Variants in XPO5 observed in about 807,000 individuals in gnomAD.
XPO5 encodes the protein exportin 5.
In XPO5, 46 loss-of-function variants were observed where a neutral mutation model predicts 160.6. The ratio of observed to expected loss-of-function variants is 0.29; its 90% CI spans 0.23 to 0.37. The LOEUF (loss-of-function observed/expected upper bound fraction) is 0.37, where lower values mean the gene tolerates loss of function less well. XPO5 is among the 10% of genes least tolerant of loss of function. XPO5 has a pLI of 1.00. For missense variants in XPO5, 1,090 were observed against 1,463.9 expected (o/e 0.74, Z 4.17); for synonymous variants, 537 against 519.3 (o/e 1.03, Z -0.46).
intron 1 of XPO5, among the ~76,000 whole-genome samples, chr6:43,574,858 T>C (rs907766574): frequency 1.3e-5 from 2 of 151,954 alleles, no homozygotes; most frequent in Non-Finnish European, 2.9e-5. Flanking sequence ...ACCCAATTGT[T>C]TCTGATTCCA....
At chr6:43,542,527 A>G (rs1231782811) in intron 20 of XPO5, among the ~76,000 whole-genome samples, 1 of 151,980 alleles carries the variant, frequency 6.6e-6, no homozygotes, top group African/African-American at 2.4e-5. Flanking sequence ...CTCCTACCTC[A>G]GCCTCCTGAG....
chr6:43,542,679 G>C lies in XPO5; in HGVS notation c.2342+3892C>G, dbSNP rs372554713. 7.9e-5 allele frequency among the ~76,000 whole-genome samples: 12 copies of C among 152,048 alleles called. No homozygotes were observed. The South Asian group carries it at 1.2e-3, about 16-fold the overall frequency. On this transcript the variant is annotated intron_variant, in intron 20 of 31. Transcript: ENST00000265351. ...GACCTCAAGTGATTCACCTGCTTCGGCCTCCCAAAGTGCTTGGATTACAGG... is the reference window on the plus strand; with the variant it reads ...GACCTCAAGTGATTCACCTGCTTCGCCCTCCCAAAGTGCTTGGATTACAGG...
At chr6:43,548,713 T>C (rs1457743380) in intron 17 of XPO5, among the ~76,000 whole-genome samples, 1 of 151,230 alleles carries the variant, frequency 6.6e-6, no homozygotes, top group Non-Finnish European at 1.5e-5. Context: ...AAAGATCAGC[T>C]TGTTTTATAT....
At position 43,570,491 on chromosome 6, in the gene XPO5, G is replaced by T. The variant is rs570526889; in HGVS notation, c.621+11C>A. 1.9e-6 allele frequency: 3 copies of T among 1,610,924 alleles called. No individual in the cohort carries two copies. The African/African-American group carries it at 4.0e-5, about 22-fold the overall frequency. On this transcript the variant is annotated intron_variant, in intron 5 of 31. Coordinates refer to ENST00000265351, the MANE Select transcript of XPO5 (RefSeq NM_020750.3). ...GAAAATAGAAATGTTATAGGTAGGG[G>T]TATCCCTTACCACTTGCTGATACTT...
intron 25 of XPO5, 76 bp from the exon 26 acceptor site, chr6:43,527,807 ACT>A (rs757062051): frequency 3.4e-6 from 5 of 1,478,504 alleles, no homozygotes; most frequent in African/African-American, 1.4e-5. Context: ...CCCTAATCAG[ACT>A]CTCTCTGACC....
chr6:43,552,114 A>G lies in XPO5; in HGVS notation c.1573-661T>C, dbSNP rs945576164. The stretch of plus-strand genomic sequence containing the variant: ...ATATCACTCTTGGTTGCCCAGTGCA[A>G]TGGCACGATCTCAGCTCACTGCAAC... On this transcript the variant is annotated intron_variant, in intron 14 of 31. Coordinates refer to ENST00000265351, the MANE Select transcript of XPO5 (RefSeq NM_020750.3). 2.6e-5 allele frequency among the ~76,000 whole-genome samples: 4 copies of G among 152,040 alleles called. No individual in the cohort carries two copies. The East Asian group carries it at 7.7e-4, about 29-fold the overall frequency.
chr6:43,526,196 T>C, intron 27 of XPO5: 1 of 460,276 alleles, frequency 2.2e-6, no homozygotes, highest in Non-Finnish European at 3.9e-6. Flanking sequence ...GGACAAATAT[T>C]TGAGCACCAG....
At position 43,566,735 on chromosome 6, in the gene XPO5, G is replaced by A. The variant is rs111939495; in HGVS notation, c.834+434C>T. 3.0e-3 allele frequency: 793 copies of A among 263,314 alleles called. 8 individuals are homozygous for A. The highest frequency in any genetic ancestry group is 0.016 in the African/African-American group (699 of 44,590). The allele number at this position is 263,314 out of a possible 1,614,324, so 16.3% of individuals were successfully genotyped here. On this transcript the variant is annotated intron_variant, in intron 7 of 31. Transcript: ENST00000265351. ...TGAGGCAGGAGAATCGCTTGAACCC[G>A]GAAGGCGGACGTTGCAGTGAGCCAA...
intron 20 of XPO5, among the ~76,000 whole-genome samples, chr6:43,538,298 C>T (rs1439118553): frequency 6.6e-6 from 1 of 151,474 alleles, no homozygotes; most frequent in Non-Finnish European, 1.5e-5. Context: ...TACAGGTGCG[C>T]ACCACCACAC....
intron 30 of XPO5, 80 bp from the exon 31 acceptor site, chr6:43,524,715 C>CA: frequency 6.3e-7 from 1 of 1,587,332 alleles, no homozygotes; most frequent in Non-Finnish European, 8.6e-7. Context: ...ACCCATTTCT[C>CA]AGAGATTGCA....
At chr6:43,560,142 A>ACCTACAT in intron 11 of XPO5, 36 bp downstream of exon 11, 1 of 1,603,592 alleles carries the variant, frequency 6.2e-7, no homozygotes, top group Non-Finnish European at 8.5e-7. Context: ...ATGTGTATTC[A>ACCTACAT]CCTACATTCC....
At chr6:43,572,352 C>T (rs949201177) in intron 3 of XPO5, among the ~76,000 whole-genome samples, 154 bp downstream of exon 3, 1 of 152,260 alleles carries the variant, frequency 6.6e-6, no homozygotes, top group Non-Finnish European at 1.5e-5. Flanking sequence ...GCTAGAATTA[C>T]AGGTGTGAGT....
chr6:43,555,240 C>G (rs1038490340), intron 13 of XPO5: 3 of 152,184 alleles, frequency 2.0e-5, no homozygotes, highest in African/African-American at 7.2e-5. Flanking sequence ...CTGCATCCAG[C>G]CTTTTTGCTT....
intron 14 of XPO5, among the ~76,000 whole-genome samples, chr6:43,552,166 T>C (rs1795257967): frequency 6.6e-6 from 1 of 151,690 alleles, no homozygotes; most frequent in African/African-American, 2.4e-5. Context: ...CAAGTGATTC[T>C]CCTGCCTCAG....
At chr6:43,575,103 A>T (rs956070820) in intron 1 of XPO5, among the ~76,000 whole-genome samples, 1 of 152,174 alleles carries the variant, frequency 6.6e-6, no homozygotes, top group Non-Finnish European at 1.5e-5. Flanking sequence ...CACGCAAACT[A>T]CTTTCAGGAA....
chr6:43,541,976 C>T (rs1277737982), intron 20 of XPO5, among the ~76,000 whole-genome samples: 1 of 152,032 alleles, frequency 6.6e-6, no homozygotes, highest in East Asian at 1.9e-4. Flanking sequence ...GATGGGGTTT[C>T]ACCATGTTGG....
At position 43,523,905 on chromosome 6, in the gene XPO5, T is replaced by C. The variant is rs1793363628; in HGVS notation, c.3578A>G (p.Asn1193Ser). The C allele has an allele frequency of 1.2e-6, 2 of 1,613,916 alleles. No individual in the cohort carries two copies. The highest frequency in any genetic ancestry group is 1.7e-6 in the Non-Finnish European group (2 of 1,179,908). ...GATGGTGGCCAGGCCACCCCCATCA[T>C]TGTCCAGCACCTCCGTCTCCAGCAT... ...KPMLETEVLD[N>S]DGGGLATIFE... is the part of the protein sequence containing the mutation. Residue 1193 changes from asparagine (N) to serine (S), a missense_variant, in exon 32 of 32, where the codon AAT (asparagine) becomes AGT (serine). Asn to Ser is a conservative substitution (Grantham distance 46, BLOSUM62 1). This residue lies in a region of XPO5 where 810 missense variants were observed against 1,139.0 expected (regional missense o/e 0.71). Coordinates refer to ENST00000265351, the MANE Select transcript of XPO5 (RefSeq NM_020750.3).
In XPO5 at chr6:43,525,141, G is replaced by A; in HGVS notation, c.3140C>T (p.Thr1047Ile). The A allele has an allele frequency of 6.3e-7, 1 of 1,581,732 alleles. No homozygotes were observed. Among genetic ancestry groups the A allele is most frequent in the Non-Finnish European group, 8.6e-7 (1 of 1,163,160 alleles). The change falls in exon 29 of 32, where the codon ACA becomes ATA. Residue 1047 changes from threonine to isoleucine, a missense_variant. Coordinates refer to ENST00000265351, the MANE Select transcript of XPO5 (RefSeq NM_020750.3). The part of the protein sequence containing the change: ...AWKDTLSCQR[T>I]TSQLCWPLLK... Reference sequence around the variant, plus strand: ...GAGAGGCCAGCAGAGCTGTGAGGTTGTCCTCTGGCAGGACAGAGTATCTTT... The same window carrying A: ...GAGAGGCCAGCAGAGCTGTGAGGTTATCCTCTGGCAGGACAGAGTATCTTT...
At chr6:43,560,423 T>A in intron 10 of XPO5, 120 bp from the exon 11 acceptor site, 1 of 1,245,190 alleles carries the variant, frequency 8.0e-7, no homozygotes, top group Non-Finnish European at 1.1e-6. Context: ...ACTTTGAAGC[T>A]GTCTCTACTG....
Sources: gnomAD v4.1 joint callset for allele counts (sites outside exome capture counted in the v4.1 genomes callset) on GRCh38, gnomAD v4.1.1 for gene constraint, gnomAD v4.1.1 regional missense constraint, MANE v1.5 for transcripts, NCBI Gene and HGNC (gene_info 2026-07-23, HGNC 2026-07-21) for gene names.